Variants in ARHGAP24 observed in about 807,000 individuals in gnomAD.
ARHGAP24 encodes rho GTPase-activating protein 24.
ARHGAP24 carries 50 observed loss-of-function variants against 76.4 expected under a neutral mutation model. The ratio of observed to expected loss-of-function variants is 0.65; its 90% CI spans 0.52 to 0.83. The LOEUF is 0.83. Among genes scored for constraint, ARHGAP24 ranks in the 40% least tolerant of loss-of-function variants. The pLI is 0.00. For missense variants in ARHGAP24, 930 were observed against 914.2 expected (o/e 1.02, Z -0.22); for synonymous variants, 345 against 323.3 (o/e 1.07, Z -0.72).
At chr4:85,883,560 G>A (rs1425767813) in intron 3 of ARHGAP24, among the ~76,000 whole-genome samples, 2 of 152,140 alleles carry the variant, frequency 1.3e-5, no homozygotes, top group Non-Finnish European at 1.5e-5. Context: ...CATGTGCTGG[G>A]AGGTTACACT....
intron 2 of ARHGAP24, among the ~76,000 whole-genome samples, chr4:85,697,612 T>C (rs770696251): frequency 6.6e-6 from 1 of 152,256 alleles, no homozygotes; most frequent in African/African-American, 2.4e-5. Flanking sequence ...AATATAGTTC[T>C]ATTAATATGT....
At chr4:85,978,533 C>T (rs1038947448) in intron 8 of ARHGAP24, among the ~76,000 whole-genome samples, 1 of 152,098 alleles carries the variant, frequency 6.6e-6, no homozygotes, top group Non-Finnish European at 1.5e-5. Flanking sequence ...AGTTGAACAT[C>T]AGATTTTTGG....
rs966514323 is a variant in ARHGAP24 at position 85,923,636 on chromosome 4, G to A, written c.269-12G>A. 1.2e-6 allele frequency: 2 copies of A among 1,613,346 alleles called. No individual in the cohort carries two copies. The highest frequency in any genetic ancestry group is 2.7e-5 in the African/African-American group (2 of 74,862). On this transcript the variant is annotated splice_polypyrimidine_tract_variant and intron_variant, in intron 3 of 9. Coordinates refer to ENST00000395184, the MANE Select transcript of ARHGAP24 (RefSeq NM_001025616.3). ...ATGCAACTTCAGCTGCATTGTTACT[G>A]TGTTTTCACAGGAGGCGATCGAGAT...
chr4:85,595,795 C>T (rs1333871777), intron 2 of ARHGAP24, among the ~76,000 whole-genome samples: 1 of 151,970 alleles, frequency 6.6e-6, no homozygotes, highest in Non-Finnish European at 1.5e-5. Context: ...TATTCACTTC[C>T]TAAGGAGTCT....
intron 4 of ARHGAP24, chr4:85,924,821 T>C (rs1705687333): frequency 6.6e-6 from 1 of 152,338 alleles, no homozygotes; most frequent in African/African-American, 2.4e-5. Flanking sequence ...GTAATATATC[T>C]ATGTTTTAAT....
intron 2 of ARHGAP24, among the ~76,000 whole-genome samples, chr4:85,672,302 T>C (rs1475150141): frequency 1.3e-5 from 2 of 152,236 alleles, no homozygotes; most frequent in Non-Finnish European, 2.9e-5. Flanking sequence ...TAAACCTCTC[T>C]TGTTTTTGAA....
intron 3 of ARHGAP24, among the ~76,000 whole-genome samples, chr4:85,880,571 C>A (rs1038317087): frequency 6.6e-6 from 1 of 151,994 alleles, no homozygotes; most frequent in Non-Finnish European, 1.5e-5. Flanking sequence ...CTCTGTCGCC[C>A]AGGCTGGAGT....
chr4:85,962,192 A>G (rs1413591309), intron 5 of ARHGAP24, among the ~76,000 whole-genome samples: 1 of 152,104 alleles, frequency 6.6e-6, no homozygotes, highest in Non-Finnish European at 1.5e-5. Flanking sequence ...TACATTTACT[A>G]ATAATGGAAA....
At chr4:85,673,510 T>C (rs1722877616) in intron 2 of ARHGAP24, among the ~76,000 whole-genome samples, 1 of 151,882 alleles carries the variant, frequency 6.6e-6, no homozygotes, top group South Asian at 2.1e-4. Context: ...TCCTTTCCTT[T>C]ATGCCTTCTG....
intron 3 of ARHGAP24, among the ~76,000 whole-genome samples, chr4:85,849,558 C>G (rs545283035): frequency 2.6e-4 from 39 of 152,224 alleles, no homozygotes; most frequent in African/African-American, 8.7e-4. Flanking sequence ...AGTTTTTGCC[C>G]ATTCAGTATG....
intron 2 of ARHGAP24, among the ~76,000 whole-genome samples, chr4:85,658,032 G>A (rs1238201527): frequency 2.0e-5 from 3 of 152,196 alleles, no homozygotes; most frequent in Non-Finnish European, 4.4e-5. Flanking sequence ...TGGGATTACA[G>A]GAGTCAGCCA....
intron 4 of ARHGAP24, among the ~76,000 whole-genome samples, chr4:85,935,803 G>T (rs1189556474): frequency 6.6e-6 from 1 of 152,290 alleles, no homozygotes; most frequent in South Asian, 2.1e-4. Context: ...AGTCCACTGG[G>T]TCGCTATGTA....
At chr4:85,611,652 G>A (rs564773786) in intron 2 of ARHGAP24, among the ~76,000 whole-genome samples, 4 of 152,132 alleles carry the variant, frequency 2.6e-5, no homozygotes, top group Admixed American at 1.3e-4. Context: ...CCATGAACCC[G>A]ATCCCTTCCT....
chr4:85,979,886 A>G (rs912396549), intron 8 of ARHGAP24, among the ~76,000 whole-genome samples: 1 of 152,214 alleles, frequency 6.6e-6, no homozygotes, highest in South Asian at 2.1e-4. Context: ...ATGTATTAAA[A>G]TCAATTTGCT....
intron 2 of ARHGAP24, chr4:85,686,636 T>G (rs1723431879): frequency 1.3e-5 from 2 of 152,284 alleles, no homozygotes; most frequent in Non-Finnish European, 1.5e-5. Flanking sequence ...TCTCTCTTTG[T>G]GAAGAAGGCC....
At chr4:85,637,745 C>CT (rs1321530137) in intron 2 of ARHGAP24, among the ~76,000 whole-genome samples, 2 of 151,612 alleles carry the variant, frequency 1.3e-5, no homozygotes, top group African/African-American at 2.4e-5. Context: ...ATTAATTTCA[C>CT]TTTTTTTTAC....
At chr4:85,558,975 C>A (rs1726493246) in intron 1 of ARHGAP24, among the ~76,000 whole-genome samples, 2 of 151,898 alleles carry the variant, frequency 1.3e-5, no homozygotes, top group South Asian at 2.1e-4. Flanking sequence ...CTAAAGGAAC[C>A]TGATATTAAA....
intron 3 of ARHGAP24, among the ~76,000 whole-genome samples, chr4:85,755,645 T>TTTTTTTTTGAGACGGA (rs1726461381): frequency 8.7e-6 from 1 of 114,870 alleles, no homozygotes. Flanking sequence ...TGTTTTGTTT[T>TTTTTTTTTGAGACGGA]GTTTTGAGAC....
At chr4:85,748,077 C>T (rs1165229018) in intron 3 of ARHGAP24, among the ~76,000 whole-genome samples, 1 of 152,254 alleles carries the variant, frequency 6.6e-6, no homozygotes, top group Admixed American at 6.5e-5. Flanking sequence ...CTGCCCTCTA[C>T]AGGTTCCCTG....
Sources: allele counts gnomAD v4.1 joint callset (sites outside exome capture counted in the v4.1 genomes callset), GRCh38; gene constraint gnomAD v4.1.1; transcripts MANE v1.5; gene names NCBI Gene and HGNC (gene_info 2026-07-23, HGNC 2026-07-21).